Variants in DOCK8 observed in about 807,000 individuals in gnomAD.
DOCK8 encodes the protein dedicator of cytokinesis protein 8.
DOCK8 carries 141 observed loss-of-function variants against 245.6 expected under a neutral mutation model. The ratio of observed to expected loss-of-function variants is 0.57; its 90% CI spans 0.50 to 0.66. The LOEUF is 0.66. Among genes scored for constraint, DOCK8 ranks in the 30% least tolerant of loss-of-function variants. DOCK8 has a pLI of 0.00. For missense variants in DOCK8, 2,965 were observed against 2,603.4 expected (o/e 1.14, Z -3.02); for synonymous variants, 1,168 against 970.2 (o/e 1.20, Z -3.79).
intron 29 of DOCK8, among the ~76,000 whole-genome samples, chr9:417,246 G>A (rs147983774): frequency 0.012 from 1,800 of 152,276 alleles, 37 homozygotes; most frequent in African/African-American, 0.041. Flanking sequence ...TGGCGCCACT[G>A]CACTCCAGCC....
intron 5 of DOCK8, among the ~76,000 whole-genome samples, chr9:310,529 G>A (rs1338323710): frequency 1.3e-5 from 2 of 152,174 alleles, no homozygotes; most frequent in Non-Finnish European, 2.9e-5. Flanking sequence ...CACCATCTCG[G>A]GTCATTACAA....
chr9:246,005 A>T (rs1290885760), intron 1 of DOCK8, among the ~76,000 whole-genome samples: 1 of 152,154 alleles, frequency 6.6e-6, no homozygotes, highest in East Asian at 1.9e-4. Flanking sequence ...GGATTGCCTG[A>T]GCTCAGGAGT....
intron 26 of DOCK8, among the ~76,000 whole-genome samples, chr9:404,354 C>T (rs2055315037): frequency 6.6e-6 from 1 of 152,100 alleles, no homozygotes; most frequent in African/African-American, 2.4e-5. Flanking sequence ...ATTTCCTCCT[C>T]TCTCAGTCTG....
chr9:316,455 T>C (rs1214925630), intron 6 of DOCK8, among the ~76,000 whole-genome samples: 2 of 152,200 alleles, frequency 1.3e-5, no homozygotes, highest in East Asian at 3.8e-4. Context: ...CATTACTAAA[T>C]TTCATATACC....
rs79575418 is a variant in DOCK8 at position 302,177 on chromosome 9, G to T, written c.405-2404G>T. Among the ~76,000 whole-genome samples, 1,042 of 152,252 alleles carry T rather than the reference G, an allele frequency of 6.8e-3. 16 individuals are homozygous for T. Among genetic ancestry groups the T allele is most frequent in the African/African-American group, 0.024 (989 of 41,552 alleles). ...ACGTAGACCAATAGAACAAGATAAA[G>T]AACCAGAAATAAAGCTGCACGCCTA... is the stretch of plus-strand genomic sequence containing the variant. On this transcript the variant is annotated intron_variant, in intron 4 of 47. Transcript: ENST00000432829.
intron 23 of DOCK8, among the ~76,000 whole-genome samples, chr9:387,442 CAAAAAAAAA>C (rs139131854): frequency 1.3e-5 from 1 of 77,110 alleles, no homozygotes. Flanking sequence ...GACTCCATTT[CAAAAAAAAA>C]AAAAAAGAAA....
chr9:300,795 A>G (rs2049508296), intron 4 of DOCK8, among the ~76,000 whole-genome samples: 1 of 152,218 alleles, frequency 6.6e-6, no homozygotes, highest in Admixed American at 6.5e-5. Flanking sequence ...AAATTGAAGC[A>G]GGAAGAAATT....
chr9:403,264 A>G (rs67656642), intron 26 of DOCK8, among the ~76,000 whole-genome samples: 11,859 of 152,218 alleles, frequency 0.078, 1,154 homozygotes, highest in African/African-American at 0.23. Context: ...TTAAGTGCCA[A>G]TGTGTTGTGG....
chr9:345,203 T>G (rs531400052), intron 14 of DOCK8, among the ~76,000 whole-genome samples: 2 of 152,320 alleles, frequency 1.3e-5, no homozygotes, highest in South Asian at 4.1e-4. Context: ...ATCATACCTG[T>G]ATCCCTTAAG....
intron 14 of DOCK8, among the ~76,000 whole-genome samples, chr9:342,918 C>T (rs890448554): frequency 9.2e-5 from 14 of 152,248 alleles, no homozygotes; most frequent in Middle Eastern, 3.4e-3. Flanking sequence ...CCTCTGTACA[C>T]GTTTGTGAAA....
chr9:214,361 C>A (rs1358588204), upstream of DOCK8: 1 of 706,982 alleles, frequency 1.4e-6, no homozygotes, highest in African/African-American at 1.9e-5. Flanking sequence ...TGGATGAATC[C>A]ATTATATTTA....
At chr9:358,512 A>G (rs1029957951) in intron 14 of DOCK8, among the ~76,000 whole-genome samples, 13 of 152,358 alleles carry the variant, frequency 8.5e-5, no homozygotes, top group Admixed American at 4.6e-4. Flanking sequence ...TAAGGTTAAT[A>G]TGTACACAGA....
rs1233242203 is a variant in DOCK8 at position 340,182 on chromosome 9, A to C, written c.1540A>C (p.Thr514Pro). ...IPGLLRLEIS[T>P]APEIINCCLT... ...AGGCTTGCTAAGACTGGAGATTTCT[A>C]CAGCTCCAGAGATCATCAATTGCTG... is the stretch of plus-strand genomic sequence containing the variant. The change falls in exon 14 of 48, where the codon ACA (threonine) becomes CCA (proline). Residue 514 changes from threonine to proline, a missense_variant. Thr to Pro is a conservative substitution (Grantham distance 38). Coordinates refer to ENST00000432829, the MANE Select transcript of DOCK8 (RefSeq NM_203447.4). 3.7e-6 allele frequency: 6 copies of C among 1,614,120 alleles called. No homozygotes were observed. Among genetic ancestry groups the C allele is most frequent in the Admixed American group, 1.7e-5 (1 of 60,022 alleles).
At chr9:395,748 C>A (rs117869333) in intron 24 of DOCK8, among the ~76,000 whole-genome samples, 1 of 152,192 alleles carries the variant, frequency 6.6e-6, no homozygotes, top group East Asian at 1.9e-4. Flanking sequence ...AATCTCCTGG[C>A]CCCAAGAAGA....
chr9:339,414 T>C (rs1486357242), intron 13 of DOCK8, among the ~76,000 whole-genome samples: 1 of 152,212 alleles, frequency 6.6e-6, no homozygotes, highest in African/African-American at 2.4e-5. Context: ...AAAAAGTAAA[T>C]GTGAGATGCT....
rs747706247 is a variant in DOCK8 at position 449,776 on chromosome 9, A to G, written c.5818-8A>G. The stretch of plus-strand genomic sequence containing the variant: ...AGTGACTTCCCTATGTTTACGTCTC[A>G]TGTTCAGTTTGTTTTGACACCGATT... On this transcript the variant is annotated splice_polypyrimidine_tract_variant and splice_region_variant and intron_variant, in intron 44 of 47. Transcript: ENST00000432829. 9 of 1,612,428 alleles carry G rather than the reference A, an allele frequency of 5.6e-6. No individual in the cohort carries two copies. The highest frequency in any genetic ancestry group is 1.7e-6 in the Non-Finnish European group (2 of 1,180,006).
In DOCK8 at chr9:328,183, C is replaced by T. The variant is rs376502656; in HGVS notation, c.1044+12C>T. The T allele has an allele frequency of 1.5e-4, 241 of 1,610,804 alleles. 1 individual carries two copies. The highest frequency in any genetic ancestry group is 5.6e-4 in the South Asian group (51 of 90,764). On this transcript the variant is annotated intron_variant, in intron 9 of 47. Coordinates refer to ENST00000432829, the MANE Select transcript of DOCK8 (RefSeq NM_203447.4). ...ACCTGGTAGTCAAGGTAATTCAGTACGATCTGATTTGCCCAATCTGATGTT... is the reference window on the plus strand; with the variant it reads ...ACCTGGTAGTCAAGGTAATTCAGTATGATCTGATTTGCCCAATCTGATGTT...
At chr9:343,143 A>G (rs1437647776) in intron 14 of DOCK8, among the ~76,000 whole-genome samples, 2 of 152,082 alleles carry the variant, frequency 1.3e-5, no homozygotes, top group Non-Finnish European at 2.9e-5. Flanking sequence ...CCACCCCCAC[A>G]TTTCCAGATG....
At chr9:340,646 A>G (rs1462029924) in intron 14 of DOCK8, 2 of 222,516 alleles carry the variant, frequency 9.0e-6, no homozygotes, top group Admixed American at 1.0e-4. Flanking sequence ...AAAGAAAAGC[A>G]GGTTCTTGGA....
Sources: gnomAD v4.1 joint callset for allele counts (sites outside exome capture counted in the v4.1 genomes callset) on GRCh38, gnomAD v4.1.1 for gene constraint, MANE v1.5 for transcripts, NCBI Gene and HGNC (gene_info 2026-07-23, HGNC 2026-07-21) for gene names.